The following CD200R1 variants were observed in gnomAD, a reference collection of about 807,000 sequenced individuals.
CD200R1 encodes the protein CD200 receptor 1.
CD200R1 carries 30 observed loss-of-function variants against 38.1 expected under a neutral mutation model. The ratio of observed to expected loss-of-function variants is 0.79; its 90% CI spans 0.59 to 1.07. The LOEUF (loss-of-function observed/expected upper bound fraction) is 1.07, where lower values mean the gene tolerates loss of function less well. Ranked by LOEUF, CD200R1 falls within the 50% of genes least tolerant of loss-of-function variation. CD200R1 has a pLI of 0.00. For synonymous variants in CD200R1, 128 were observed against 152.1 expected (o/e 0.84, Z 1.16); for missense variants, 372 against 415.4 (o/e 0.90, Z 0.91).
intron 5 of CD200R1, among the ~76,000 whole-genome samples, chr3:112,927,353 A>G (rs1940303748): frequency 6.6e-6 from 1 of 152,160 alleles, no homozygotes; most frequent in East Asian, 1.9e-4. Context: ...CAGAGCCTGA[A>G]CAGCCCCAGA....
chr3:112,924,995 C>T, intron 6 of CD200R1, 90 bp downstream of exon 6: 1 of 759,192 alleles, frequency 1.3e-6, no homozygotes, highest in Non-Finnish European at 2.3e-6. Context: ...TGTTAACATC[C>T]TAATATACCC....
At chr3:112,942,823 A>G (rs992792983) in intron 2 of CD200R1, among the ~76,000 whole-genome samples, 1 of 151,714 alleles carries the variant, frequency 6.6e-6, no homozygotes, top group African/African-American at 2.4e-5. Context: ...AAATGGAAGT[A>G]GCTATATTAA....
chr3:112,963,033 GT>G (rs1933061684), intron 1 of CD200R1, among the ~76,000 whole-genome samples: 1 of 152,162 alleles, frequency 6.6e-6, no homozygotes, highest in South Asian at 2.1e-4. Context: ...AGATCTGACG[GT>G]TTTAAAAACA....
At chr3:112,956,419 T>G (rs1271132313) in intron 1 of CD200R1, among the ~76,000 whole-genome samples, 1 of 152,196 alleles carries the variant, frequency 6.6e-6, no homozygotes, top group Non-Finnish European at 1.5e-5. Flanking sequence ...TTTTCCTAAT[T>G]TCATTGAATT....
chr3:112,928,146 A>C (rs1248774110), intron 5 of CD200R1, among the ~76,000 whole-genome samples: 1 of 152,214 alleles, frequency 6.6e-6, no homozygotes, highest in Non-Finnish European at 1.5e-5. Flanking sequence ...AAATGGCACT[A>C]ATTACCAGAA....
At chr3:112,930,322 C>T (rs1474118590) in intron 3 of CD200R1, among the ~76,000 whole-genome samples, 1 of 152,044 alleles carries the variant, frequency 6.6e-6, no homozygotes, top group Non-Finnish European at 1.5e-5. Context: ...TCAAATGTAG[C>T]CTTTGGATGA....
At chr3:112,931,709 A>T (rs978805640) in intron 2 of CD200R1, among the ~76,000 whole-genome samples, 1 of 152,140 alleles carries the variant, frequency 6.6e-6, no homozygotes, top group African/African-American at 2.4e-5. Flanking sequence ...AGCAGAAGCA[A>T]ATGTCAGCAA....
chr3:112,958,962 A>G (rs1154268), intron 1 of CD200R1, among the ~76,000 whole-genome samples: 152,115 of 152,132 alleles, frequency 1, 76,049 homozygotes, highest in Middle Eastern at 1. Flanking sequence ...CTGCAGACCC[A>G]TACTTCATGG....
At chr3:112,945,645 T>G (rs978003348) in intron 2 of CD200R1, among the ~76,000 whole-genome samples, 1 of 152,206 alleles carries the variant, frequency 6.6e-6, no homozygotes, top group African/African-American at 2.4e-5. Context: ...ATCTTTGGTT[T>G]GGCAGTGACA....
At chr3:112,974,391 G>A (rs1933388728) in intron 1 of CD200R1, among the ~76,000 whole-genome samples, 1 of 152,112 alleles carries the variant, frequency 6.6e-6, no homozygotes, top group East Asian at 1.9e-4. Context: ...AGCTACGATT[G>A]CACCACTGCA....
At chr3:112,953,762 C>T (rs1024321872) in intron 1 of CD200R1, among the ~76,000 whole-genome samples, 5 of 152,176 alleles carry the variant, frequency 3.3e-5, no homozygotes, top group Non-Finnish European at 5.9e-5. Context: ...CTCTTGTGAT[C>T]CTTTGTGTTT....
At chr3:112,954,713 C>A (rs1941049175) in intron 1 of CD200R1, among the ~76,000 whole-genome samples, 1 of 152,164 alleles carries the variant, frequency 6.6e-6, no homozygotes, top group Admixed American at 6.5e-5. Context: ...GGTGGTGTAC[C>A]CGGAAAGAGC....
At chr3:112,941,386 C>G (rs1940725453) in intron 2 of CD200R1, among the ~76,000 whole-genome samples, 1 of 151,518 alleles carries the variant, frequency 6.6e-6, no homozygotes, top group Admixed American at 6.6e-5. Context: ...TTGTATGTAT[C>G]AAAATATTAC....
intron 1 of CD200R1, among the ~76,000 whole-genome samples, chr3:112,951,786 C>CA (rs60188199): frequency 0.023 from 3,093 of 133,690 alleles, 105 homozygotes; most frequent in African/African-American, 0.077. Flanking sequence ...TACAATAATG[C>CA]AAAAAAAAAA....
At chr3:112,937,177 A>T (rs1940603985) in intron 2 of CD200R1, among the ~76,000 whole-genome samples, 1 of 152,098 alleles carries the variant, frequency 6.6e-6, no homozygotes, top group South Asian at 2.1e-4. Context: ...CAGCATGGAG[A>T]AGTGCCAAGC....
chr3:112,944,975 C>T (rs1940812541), intron 2 of CD200R1, among the ~76,000 whole-genome samples: 1 of 152,166 alleles, frequency 6.6e-6, no homozygotes, highest in Non-Finnish European at 1.5e-5. Context: ...TTTATATTAG[C>T]ATCCCCAAAA....
Position 112,928,948 on chromosome 3 carries a change from G to A in CD200R1, c.637C>T (p.Gln213Ter). The A allele has an allele frequency of 6.2e-7, 1 of 1,614,022 alleles. No homozygotes were observed. The highest frequency in any genetic ancestry group is 8.5e-7 in the Non-Finnish European group (1 of 1,179,982). Residue 213 changes from glutamine to a stop codon, truncating the protein, a stop_gained, in exon 5 of 8, where the codon CAA becomes TAA. Coordinates refer to ENST00000308611, the MANE Select transcript of CD200R1 (RefSeq NM_138806.4). LOFTEE classifies it high-confidence loss of function. ...ACTGTGCCATTGCTCCAGTATTCTT[G>A]CTTAGTGGCACAATCGCCCTCTGGG... ...WIPEGDCATK[Q>*]EYWSNGTVTV...
intron 1 of CD200R1, among the ~76,000 whole-genome samples, chr3:112,971,074 G>A (rs1933297432): frequency 1.3e-5 from 2 of 152,212 alleles, no homozygotes; most frequent in South Asian, 4.1e-4. Flanking sequence ...TTTCTATACA[G>A]TCATCCCTCA....
intron 2 of CD200R1, among the ~76,000 whole-genome samples, chr3:112,939,648 A>G (rs1379501305): frequency 6.6e-6 from 1 of 151,922 alleles, no homozygotes; most frequent in Non-Finnish European, 1.5e-5. Context: ...AAGAAGACAC[A>G]AAAAATAGAA....
Sources: gnomAD v4.1 joint callset for allele counts (sites outside exome capture counted in the v4.1 genomes callset) on GRCh38, gnomAD v4.1.1 for gene constraint, MANE v1.5 for transcripts, NCBI Gene and HGNC (gene_info 2026-07-23, HGNC 2026-07-21) for gene names.